Variants in ITGAL observed in about 807,000 individuals in gnomAD.
The protein encoded by ITGAL is integrin alpha-L.
Under a neutral mutation model 138.4 loss-of-function variants are expected in ITGAL, and 68 were observed. The observed-to-expected ratio is 0.49, with a 90% CI of 0.40 to 0.60. The LOEUF is 0.60. ITGAL is among the 20% of genes least tolerant of loss of function. The probability of loss-of-function intolerance (pLI) is 0.00; values close to 1 mark genes in which losing one functional copy is unlikely to be tolerated. For synonymous variants in ITGAL, 561 were observed against 584.3 expected (o/e 0.96, Z 0.57); for missense variants, 1,256 against 1,478.6 (o/e 0.85, Z 2.47).
chr16:30,475,896 C>A (rs951803104), intron 4 of ITGAL, among the ~76,000 whole-genome samples: 2 of 151,784 alleles, frequency 1.3e-5, no homozygotes, highest in South Asian at 2.1e-4. Flanking sequence ...GGACTATAGG[C>A]GCATGCTACC....
At chr16:30,483,791 G>A in intron 7 of ITGAL, 36 bp from the exon 8 acceptor site, 1 of 1,580,726 alleles carries the variant, frequency 6.3e-7, no homozygotes, top group Admixed American at 1.8e-5. Context: ...GCCCTAGTTT[G>A]GGGGAGTCTC....
chr16:30,475,243 C>A, intron 2 of ITGAL, 63 bp from the exon 3 acceptor site: 3 of 1,140,772 alleles, frequency 2.6e-6, no homozygotes, highest in Non-Finnish European at 3.9e-6. Flanking sequence ...ACCTCCTTAG[C>A]AGGCAGGAGT....
chr16:30,496,383 TC>T, intron 14 of ITGAL, 52 bp from the exon 15 acceptor site: 1 of 1,613,304 alleles, frequency 6.2e-7, no homozygotes, highest in Middle Eastern at 1.6e-4. Flanking sequence ...GATCCTTCCC[TC>T]CCTCCAACCT....
chr16:30,501,859 C>T (rs2050904234), intron 17 of ITGAL, among the ~76,000 whole-genome samples: 1 of 151,838 alleles, frequency 6.6e-6, no homozygotes, highest in South Asian at 2.1e-4. Flanking sequence ...AGCGAGACCC[C>T]TTCTCTACAA....
chr16:30,480,260 G>T (rs1423243159), intron 6 of ITGAL, among the ~76,000 whole-genome samples: 1 of 152,126 alleles, frequency 6.6e-6, no homozygotes, highest in Non-Finnish European at 1.5e-5. Flanking sequence ...TTCTTTTTGC[G>T]TCTTTGCTTC....
At chr16:30,479,632 C>T in intron 6 of ITGAL, among the ~76,000 whole-genome samples, 171 bp downstream of exon 6, 1 of 138,180 alleles carries the variant, frequency 7.2e-6, no homozygotes, top group Non-Finnish European at 1.5e-5. Context: ...CTAGGAGTCT[C>T]TCTAGTTCTC....
intron 6 of ITGAL, among the ~76,000 whole-genome samples, 187 bp downstream of exon 6, chr16:30,479,648 C>CG (rs2050524971): frequency 6.2e-4 from 45 of 72,828 alleles, no homozygotes; most frequent in Non-Finnish European, 1.0e-3. Context: ...TTCTCATTTC[C>CG]TTTTTTTTTT....
chr16:30,490,141 C>T (rs575008746), intron 11 of ITGAL, among the ~76,000 whole-genome samples: 4 of 149,648 alleles, frequency 2.7e-5, no homozygotes, highest in Admixed American at 1.4e-4. Flanking sequence ...GCAGGAGAAT[C>T]GCTTGAACCC....
intron 6 of ITGAL, among the ~76,000 whole-genome samples, chr16:30,480,394 C>T (rs2050535960): frequency 6.6e-6 from 1 of 152,180 alleles, no homozygotes. Context: ...TTCCCCTCAA[C>T]CAACACCTCC....
chr16:30,490,681 C>T (rs1369157615), intron 11 of ITGAL, among the ~76,000 whole-genome samples: 1 of 152,128 alleles, frequency 6.6e-6, no homozygotes, highest in African/African-American at 2.4e-5. Context: ...TTAAAACAAC[C>T]TGCCTTATTA....
chr16:30,497,052 C>T (rs1341359094), intron 15 of ITGAL, among the ~76,000 whole-genome samples: 2 of 151,960 alleles, frequency 1.3e-5, no homozygotes, highest in Non-Finnish European at 1.5e-5. Flanking sequence ...TAAAAATTAG[C>T]AGGGTGTGGC....
At chr16:30,518,217 G>C (rs925770566) in intron 28 of ITGAL, among the ~76,000 whole-genome samples, 2 of 152,156 alleles carry the variant, frequency 1.3e-5, no homozygotes, top group Non-Finnish European at 2.9e-5. Flanking sequence ...GGAGGCTTAG[G>C]TGGGTGGATC....
chr16:30,500,100 ATTTG>A (rs1172489237), intron 17 of ITGAL, among the ~76,000 whole-genome samples: 3 of 101,696 alleles, frequency 2.9e-5, no homozygotes, highest in Non-Finnish European at 6.2e-5. Flanking sequence ...TTATTTATTT[ATTTG>A]AGACAGAGTC....
chr16:30,516,951 C>A (rs7196298), intron 25 of ITGAL, 22 bp from the exon 26 acceptor site: 103,369 of 1,544,244 alleles, frequency 0.067, 5,245 homozygotes, highest in African/African-American at 0.26. Context: ...CAGGGCTCTG[C>A]ATCCCTTGTC....
intron 7 of ITGAL, among the ~76,000 whole-genome samples, chr16:30,483,452 G>A (rs778241066): frequency 6.6e-6 from 1 of 152,196 alleles, no homozygotes; most frequent in Non-Finnish European, 1.5e-5. Flanking sequence ...TTCTTCAGCT[G>A]TAGGACCCTC....
At chr16:30,496,716 A>C (rs1597085127) in intron 15 of ITGAL, 150 bp downstream of exon 15, 1 of 656,038 alleles carries the variant, frequency 1.5e-6, no homozygotes. Flanking sequence ...ATCATAACTC[A>C]CTGCAGCCTC....
Position 30,521,491 on chromosome 16 carries a change from G to C in ITGAL, c.3340-1G>C, listed in dbSNP as rs775312918. ...CTCGTTCAAATTTTGTCTTTGTACA[G>C]GTTGGTTTCTTCAAACGGAACCTGA... On this transcript the variant is annotated splice_acceptor_variant, in intron 30 of 30. Coordinates refer to ENST00000356798, the MANE Select transcript of ITGAL (RefSeq NM_002209.3). LOFTEE classifies it high-confidence loss of function. 6.2e-7 allele frequency: 1 copy of C among 1,613,892 alleles called. No homozygotes were observed. The highest frequency in any genetic ancestry group is 1.3e-5 in the African/African-American group (1 of 75,056).
At chr16:30,485,329 C>T (rs1040655186) in intron 9 of ITGAL, among the ~76,000 whole-genome samples, 2 of 152,118 alleles carry the variant, frequency 1.3e-5, no homozygotes, top group African/African-American at 2.4e-5. Flanking sequence ...CAGGCTCACG[C>T]CATTCTCCTG....
rs1380474213 is a variant in ITGAL at position 30,523,120 on chromosome 16, C to G, written c.*1455C>G. 6.6e-6 allele frequency: 1 copy of G among 152,368 alleles called. No individual in the cohort carries two copies. The highest frequency in any genetic ancestry group is 2.4e-5 in the African/African-American group (1 of 41,476). 9.4% of individuals were successfully genotyped at this position (152,368 alleles called of 1,614,324 possible). On this transcript the variant is annotated 3_prime_UTR_variant, in exon 31 of 31. Transcript: ENST00000356798. ...TCAAGGTGGGAACCACGTCTGCTAACTTGGAGCCCCAGTGCCAAGCACAGT... is the reference window on the plus strand; with the variant it reads ...TCAAGGTGGGAACCACGTCTGCTAAGTTGGAGCCCCAGTGCCAAGCACAGT...
Sources: allele counts gnomAD v4.1 joint callset (sites outside exome capture counted in the v4.1 genomes callset), GRCh38; gene constraint gnomAD v4.1.1; transcripts MANE v1.5; gene names NCBI Gene and HGNC (gene_info 2026-07-23, HGNC 2026-07-21).